The following ARHGEF10L variants were observed in gnomAD, a reference collection of about 807,000 sequenced individuals.
ARHGEF10L encodes rho guanine nucleotide exchange factor 10-like protein.
In ARHGEF10L, 69 loss-of-function variants were observed where a neutral mutation model predicts 141.2. That is an observed-to-expected ratio of 0.49 (90% CI 0.40 to 0.60). The LOEUF (loss-of-function observed/expected upper bound fraction) is 0.60. Among genes scored for constraint, ARHGEF10L ranks in the 20% least tolerant of loss-of-function variants. The pLI is 0.00. For missense variants in ARHGEF10L, 1,482 were observed against 1,734.3 expected (o/e 0.85, Z 2.58); for synonymous variants, 711 against 718.5 (o/e 0.99, Z 0.17).
At chr1:17,618,394 G>A (rs986105317) in intron 9 of ARHGEF10L, 2 of 1,543,500 alleles carry the variant, frequency 1.3e-6, no homozygotes, top group African/African-American at 2.8e-5. Flanking sequence ...AAGCTGCGAG[G>A]CAGGCTGGGG....
At position 17,697,446 on chromosome 1, in the gene ARHGEF10L, C is replaced by G; in HGVS notation, c.*66C>G. The G allele has an allele frequency of 6.6e-7, 1 of 1,514,874 alleles. No individual in the cohort carries two copies. Among genetic ancestry groups the G allele is most frequent in the Non-Finnish European group, 8.9e-7 (1 of 1,127,264 alleles). The allele number at this position is 1,514,874 out of a possible 1,614,324, so 93.8% of individuals were successfully genotyped here. On this transcript the variant is annotated 3_prime_UTR_variant, in exon 29 of 29. Transcript: ENST00000361221. The surrounding 1 kb of genome is among the most constrained non-coding windows in gnomAD (Gnocchi z 4.8). ...ACCAAGGCCACGCCCGGCTCTCGTG[C>G]TCTAGGACCTGCACGGGACTTGTGG...
Position 17,656,588 on chromosome 1 carries a change from C to G in ARHGEF10L, c.2740C>G (p.Gln914Glu), listed in dbSNP as rs200250483. 6.2e-7 allele frequency: 1 copy of G among 1,613,168 alleles called. No homozygotes were observed. The highest frequency in any genetic ancestry group is 1.1e-5 in the South Asian group (1 of 90,954). The change falls in exon 25 of 29, where the codon CAG becomes GAG. Residue 914 changes from glutamine (Q) to glutamate (E), a missense_variant. Around this residue, in one of 3 missense-constraint regions of ARHGEF10L, gnomAD observed 858 missense variants for 966.3 expected, o/e 0.89. Coordinates refer to ENST00000361221, the MANE Select transcript of ARHGEF10L (RefSeq NM_018125.4). The surrounding 1 kb of genome is among the most constrained non-coding windows in gnomAD (Gnocchi z 4.9). ...CTACAGCAGTGTGGACACTGGCACC[C>G]AGTGCCTGGTGAGCTGCAGGAGCCC... ...LLYSSVDTGT[Q>E]CLVSCRSPGL... is the part of the protein sequence containing the mutation.
In ARHGEF10L at chr1:17,695,051, G is replaced by A. The variant is rs1412050585; in HGVS notation, c.3185-107G>A. 7.8e-6 allele frequency: 12 copies of A among 1,545,068 alleles called. No homozygotes were observed. The Admixed American group carries it at 1.0e-4, about 13-fold the overall frequency. Reference sequence around the variant, plus strand: ...CACCCCACCGCCCAACTTCTTGCTGGTTTCAGGGGAGGAGCCCGCTGTGCC... The same window carrying A: ...CACCCCACCGCCCAACTTCTTGCTGATTTCAGGGGAGGAGCCCGCTGTGCC... On this transcript the variant is annotated intron_variant, in intron 27 of 28. Transcript: ENST00000361221.
intron 1 of ARHGEF10L, among the ~76,000 whole-genome samples, chr1:17,575,608 G>C (rs997299663): frequency 2.6e-5 from 4 of 152,228 alleles, no homozygotes; most frequent in Admixed American, 2.6e-4. Context: ...CGGTGGAGGG[G>C]GCGAATCTTG....
In ARHGEF10L at chr1:17,639,751, C is replaced by T. The variant is rs1480533228; in HGVS notation, c.2172-451C>T. 4.7e-6 allele frequency: 4 copies of T among 853,902 alleles called. No homozygotes were observed. The highest frequency in any genetic ancestry group is 6.8e-6 in the Non-Finnish European group (4 of 590,730). 52.9% of individuals were successfully genotyped at this position (853,902 alleles called of 1,614,324 possible). Reference sequence around the variant, plus strand: ...TCATTTCTTCATTCATTCCTGTGTCCACTCAGCAAACATTTACTGAGCAAC... The same window carrying T: ...TCATTTCTTCATTCATTCCTGTGTCTACTCAGCAAACATTTACTGAGCAAC... On this transcript the variant is annotated intron_variant, in intron 20 of 28. Coordinates refer to ENST00000361221, the MANE Select transcript of ARHGEF10L (RefSeq NM_018125.4). This position sits in a 1 kb window ranked among gnomAD's most constrained non-coding sequence, Gnocchi z 4.3.
chr1:17,612,951 A>T, intron 7 of ARHGEF10L, 107 bp from the exon 8 acceptor site: 1 of 766,454 alleles, frequency 1.3e-6, no homozygotes, highest in South Asian at 1.6e-5. Flanking sequence ...GTCCGTCCGC[A>T]CTTTACCTGA....
chr1:17,697,576 G>A lies in ARHGEF10L; in HGVS notation c.*196G>A, dbSNP rs1387689953. On this transcript the variant is annotated 3_prime_UTR_variant, in exon 29 of 29. Transcript: ENST00000361221. This position sits in a 1 kb window ranked among gnomAD's most constrained non-coding sequence, Gnocchi z 4.8. The stretch of plus-strand genomic sequence containing the variant: ...TTTGGGGAGGAGTTTTAGGGCTTGG[G>A]GAGAGGGAGGACACATCTGGAGGAA... The A allele has an allele frequency of 2.8e-6, 2 of 715,514 alleles. No individual in the cohort carries two copies. The highest frequency in any genetic ancestry group is 1.6e-5 in the South Asian group (1 of 62,684). 44.3% of individuals were successfully genotyped at this position (715,514 alleles called of 1,614,324 possible).
intron 9 of ARHGEF10L, among the ~76,000 whole-genome samples, chr1:17,618,938 G>T (rs1557839651): frequency 6.6e-6 from 1 of 152,208 alleles, no homozygotes; most frequent in Non-Finnish European, 1.5e-5. Context: ...CCCCCTTTTA[G>T]ACTTCCAGAA....
chr1:17,612,850 T>G (rs1025119116), intron 7 of ARHGEF10L, among the ~76,000 whole-genome samples: 1 of 152,164 alleles, frequency 6.6e-6, no homozygotes, highest in African/African-American at 2.4e-5. Context: ...CCTGGCATGG[T>G]GGGGTTGGAC....
intron 26 of ARHGEF10L, among the ~76,000 whole-genome samples, chr1:17,677,318 G>A (rs1483113719): frequency 1.3e-5 from 2 of 151,956 alleles, no homozygotes; most frequent in Non-Finnish European, 2.9e-5. Context: ...ACGCACAGGC[G>A]TTCTTTCTTC....
chr1:17,610,318 A>G (rs1166254056), intron 7 of ARHGEF10L, among the ~76,000 whole-genome samples: 1 of 152,162 alleles, frequency 6.6e-6, no homozygotes, highest in African/African-American at 2.4e-5. Context: ...GGCTGTACTC[A>G]CCATGGCCTG....
chr1:17,640,465 C>T (rs993487295), intron 21 of ARHGEF10L, among the ~76,000 whole-genome samples, 163 bp downstream of exon 21: 1 of 152,036 alleles, frequency 6.6e-6, no homozygotes, highest in African/African-American at 2.4e-5. Flanking sequence ...GGGCCAGAGC[C>T]GGAGGCTCTG....
chr1:17,692,480 C>T (rs779372800), intron 27 of ARHGEF10L, among the ~76,000 whole-genome samples: 9 of 152,174 alleles, frequency 5.9e-5, no homozygotes, highest in Non-Finnish European at 1.3e-4. Flanking sequence ...CCCAGCTGCT[C>T]CAGGCAGAGG....
intron 26 of ARHGEF10L, among the ~76,000 whole-genome samples, chr1:17,672,136 G>A (rs1443949678): frequency 6.6e-6 from 1 of 152,110 alleles, no homozygotes; most frequent in South Asian, 2.1e-4. Context: ...GCAGGACAGA[G>A]AAGAAACTTC....
chr1:17,659,461 G>GCTGTGGGA (rs1017030527), intron 25 of ARHGEF10L, among the ~76,000 whole-genome samples: 1 of 152,186 alleles, frequency 6.6e-6, no homozygotes, highest in African/African-American at 2.4e-5. Flanking sequence ...TCCGTGACCA[G>GCTGTGGGA]CTGTGGGACT....
Position 17,621,759 on chromosome 1 carries a change from G to A in ARHGEF10L, c.943-105G>A. On this transcript the variant is annotated intron_variant, in intron 10 of 28. Coordinates refer to ENST00000361221, the MANE Select transcript of ARHGEF10L (RefSeq NM_018125.4). This position sits in a 1 kb window ranked among gnomAD's most constrained non-coding sequence, Gnocchi z 4.1. ...CCCAGTGGTCCCAGGTGGGACCTGG[G>A]AGGGATGGGTTTCTCTGTCCTATAG... 2 of 1,033,002 alleles carry A rather than the reference G, an allele frequency of 1.9e-6. No homozygotes were observed. Among genetic ancestry groups the A allele is most frequent in the Non-Finnish European group, 3.0e-6 (2 of 663,416 alleles). The allele number at this position is 1,033,002 out of a possible 1,614,324, so 64.0% of individuals were successfully genotyped here.
At chr1:17,670,686 G>A (rs1044393918) in intron 26 of ARHGEF10L, among the ~76,000 whole-genome samples, 5 of 152,240 alleles carry the variant, frequency 3.3e-5, no homozygotes, top group East Asian at 1.9e-4. Context: ...AGCGTGGGGC[G>A]TTGGGGACCC....
intron 15 of ARHGEF10L, among the ~76,000 whole-genome samples, chr1:17,631,228 G>A (rs1220941320): frequency 2.0e-5 from 3 of 152,108 alleles, no homozygotes; most frequent in African/African-American, 4.8e-5. Context: ...TCAGAGTCAC[G>A]GGTTTTGGGA....
intron 21 of ARHGEF10L, among the ~76,000 whole-genome samples, chr1:17,641,004 G>A (rs373144195): frequency 1.3e-5 from 2 of 152,180 alleles, no homozygotes; most frequent in Non-Finnish European, 2.9e-5. Context: ...GATGTGCGGG[G>A]ACTTGCCTGA....
Sources: allele counts gnomAD v4.1 joint callset (sites outside exome capture counted in the v4.1 genomes callset), GRCh38; gene constraint gnomAD v4.1.1; regional missense constraint gnomAD v4.1.1; non-coding constraint Gnocchi (gnomAD v3.1); transcripts MANE v1.5; gene names NCBI Gene and HGNC (gene_info 2026-07-23, HGNC 2026-07-21).